SLCO3A1: variants seen among roughly 807,000 people sequenced by gnomAD.
SLCO3A1 encodes PGE1 transporter.
Under a neutral mutation model 63.1 loss-of-function variants are expected in SLCO3A1, and 27 were observed. The ratio of observed to expected loss-of-function variants is 0.43; its 90% CI spans 0.32 to 0.59. The LOEUF (loss-of-function observed/expected upper bound fraction) is 0.59, where lower values mean the gene tolerates loss of function less well. Ranked by LOEUF, SLCO3A1 falls within the 20% of genes least tolerant of loss-of-function variation. The probability of loss-of-function intolerance (pLI) is 0.09; values close to 1 mark genes in which losing one functional copy is unlikely to be tolerated. For missense variants in SLCO3A1, 773 were observed against 945.8 expected, an observed-to-expected ratio of 0.82 and a Z score of 2.40; for synonymous variants, 473 against 409.9, an observed-to-expected ratio of 1.15 and a Z score of -1.86.
chr15:91,904,025 G>T (rs1487591963), intron 1 of SLCO3A1, among the ~76,000 whole-genome samples: 1 of 57,910 alleles, frequency 1.7e-5, no homozygotes, highest in Non-Finnish European at 3.1e-5. Context: ...ATGGGAAGGA[G>T]TGGGTCGGGT....
At chr15:92,144,627 C>G (rs1433638597) in intron 7 of SLCO3A1, among the ~76,000 whole-genome samples, 2 of 152,204 alleles carry the variant, frequency 1.3e-5, no homozygotes, top group Non-Finnish European at 2.9e-5. Flanking sequence ...ATTCTTTATG[C>G]AAAAGGGGCA....
intron 2 of SLCO3A1, among the ~76,000 whole-genome samples, chr15:91,949,545 A>G (rs1035971987): frequency 1.3e-5 from 2 of 152,136 alleles, no homozygotes; most frequent in Non-Finnish European, 2.9e-5. Flanking sequence ...CACAAGACAC[A>G]CTTCAACCCG....
At chr15:91,901,711 G>T (rs1898161798) in intron 1 of SLCO3A1, among the ~76,000 whole-genome samples, 1 of 152,112 alleles carries the variant, frequency 6.6e-6, no homozygotes, top group South Asian at 2.1e-4. Context: ...TGAGGACCCT[G>T]GGTATGTGAT....
chr15:92,171,284 T>C (rs1012539220), intron 10 of SLCO3A1: 1 of 153,210 alleles, frequency 6.5e-6, no homozygotes, highest in African/African-American at 2.4e-5. Context: ...GAGGATATCG[T>C]TTCAGCCAGC....
At chr15:91,866,866 G>A (rs919523500) in intron 1 of SLCO3A1, among the ~76,000 whole-genome samples, 1 of 152,128 alleles carries the variant, frequency 6.6e-6, no homozygotes, top group Admixed American at 6.5e-5. Flanking sequence ...TAGAAGCAAA[G>A]CATTGGGCCA....
chr15:91,971,826 C>T lies in SLCO3A1; in HGVS notation c.646+55368C>T, dbSNP rs571810291. Among the ~76,000 whole-genome samples, 4 of 93,534 alleles carry T rather than the reference C, an allele frequency of 4.3e-5. No homozygotes were observed. In the South Asian group the frequency reaches 1.8e-3, roughly 41 times the overall value. The allele number at this position is 93,534 out of a possible 152,430, so 61.4% of individuals were successfully genotyped here. A position where few individuals can be genotyped will look rare whatever the true frequency, so the allele number is the denominator to read the frequency against. ...CTAGCAGCAGTGGCTCCGTATTCAG[C>T]AGTGGCTCCGTATTCAACAGTTCAG... On this transcript the variant is annotated intron_variant, in intron 2 of 9. Coordinates refer to ENST00000318445, the MANE Select transcript of SLCO3A1 (RefSeq NM_013272.4).
intron 2 of SLCO3A1, among the ~76,000 whole-genome samples, chr15:91,999,355 C>T (rs2046226972): frequency 6.6e-6 from 1 of 151,976 alleles, no homozygotes; most frequent in South Asian, 2.1e-4. Context: ...TACACATAAC[C>T]AATCAACGAT....
At chr15:91,902,853 C>T (rs1313230198) in intron 1 of SLCO3A1, among the ~76,000 whole-genome samples, 1 of 152,168 alleles carries the variant, frequency 6.6e-6, no homozygotes, top group Non-Finnish European at 1.5e-5. Flanking sequence ...GCTGCAAGAC[C>T]TTCGGCAAAT....
chr15:92,106,566 C>T (rs1457755427), intron 4 of SLCO3A1, among the ~76,000 whole-genome samples: 2 of 152,126 alleles, frequency 1.3e-5, no homozygotes, highest in African/African-American at 4.8e-5. Context: ...TCAGGTTGCT[C>T]CCCACCTCGG....
chr15:91,935,101 G>A (rs1322093363), intron 2 of SLCO3A1, among the ~76,000 whole-genome samples: 1 of 152,076 alleles, frequency 6.6e-6, no homozygotes, highest in Non-Finnish European at 1.5e-5. Flanking sequence ...CTACAGCCGT[G>A]TGCCACCACG....
chr15:91,986,463 A>C (rs2046053945), intron 2 of SLCO3A1, among the ~76,000 whole-genome samples: 1 of 143,734 alleles, frequency 7.0e-6, no homozygotes, highest in African/African-American at 2.4e-5. Context: ...TTAATTCTCT[A>C]GTAGCCATTT....
intron 2 of SLCO3A1, among the ~76,000 whole-genome samples, chr15:92,045,231 G>C (rs2151490722): frequency 1.4e-5 from 2 of 144,060 alleles, no homozygotes; most frequent in African/African-American, 5.2e-5. Flanking sequence ...AGTGAGTTGA[G>C]ATCACACTGT....
intron 7 of SLCO3A1, among the ~76,000 whole-genome samples, chr15:92,141,996 A>G (rs1303116718): frequency 6.6e-6 from 1 of 152,188 alleles, no homozygotes; most frequent in Non-Finnish European, 1.5e-5. Flanking sequence ...CATTGGATGG[A>G]AAAGGAAACC....
Position 91,957,032 on chromosome 15 carries a change from T to TGCCCTGCTGTGG in SLCO3A1, c.646+40574_646+40575insGCCCTGCTGTGG. 1.2e-4 allele frequency among the ~76,000 whole-genome samples: 2 copies of TGCCCTGCTGTGG among 16,144 alleles called. 1 individual carries two copies. The highest frequency in any genetic ancestry group is 4.4e-3 in the East Asian group (2 of 452). 10.6% of individuals were successfully genotyped at this position (16,144 alleles called of 152,430 possible). A position where few individuals can be genotyped will look rare whatever the true frequency, so the allele number is the denominator to read the frequency against. ...TATAATATATAGTATATATAATATATAATATATAGTATATATATAATATAT... is the reference window on the plus strand; with the variant it reads ...TATAATATATAGTATATATAATATATGCCCTGCTGTGGAATATATAGTATATATATAATATAT... On this transcript the variant is annotated intron_variant, in intron 2 of 9. Coordinates refer to ENST00000318445, the MANE Select transcript of SLCO3A1 (RefSeq NM_013272.4).
intron 1 of SLCO3A1, among the ~76,000 whole-genome samples, chr15:91,868,471 A>G (rs369394215): frequency 1.3e-5 from 2 of 150,642 alleles, no homozygotes; most frequent in South Asian, 2.1e-4. Context: ...ATAAAAAAAA[A>G]TCCATAATTC....
At chr15:92,012,692 C>T (rs560554973) in intron 2 of SLCO3A1, among the ~76,000 whole-genome samples, 3 of 150,142 alleles carry the variant, frequency 2.0e-5, no homozygotes, top group Non-Finnish European at 1.5e-5. Flanking sequence ...CCCTTGAACC[C>T]ATGAGTTCAA....
chr15:92,061,036 C>T (rs1419387725), intron 2 of SLCO3A1, among the ~76,000 whole-genome samples: 1 of 152,180 alleles, frequency 6.6e-6, no homozygotes, highest in Non-Finnish European at 1.5e-5. Flanking sequence ...TGGATCTGAG[C>T]TCCTGCAGGC....
chr15:91,975,200 A>G (rs989987920), intron 2 of SLCO3A1, among the ~76,000 whole-genome samples: 3 of 152,216 alleles, frequency 2.0e-5, no homozygotes, highest in African/African-American at 7.2e-5. Flanking sequence ...GTCATGTTCT[A>G]GAGCTGAACT....
chr15:92,114,631 T>C (rs979070185), intron 4 of SLCO3A1, among the ~76,000 whole-genome samples: 1 of 152,200 alleles, frequency 6.6e-6, no homozygotes, highest in Admixed American at 6.5e-5. Context: ...TTTCTTCCTC[T>C]TTCCCTTTTT....
Sources: gnomAD v4.1 joint callset for allele counts (sites outside exome capture counted in the v4.1 genomes callset) on GRCh38, gnomAD v4.1.1 for gene constraint, MANE v1.5 for transcripts, NCBI Gene and HGNC (gene_info 2026-07-23, HGNC 2026-07-21) for gene names.